Variants in ZGRF1 observed in about 807,000 individuals in gnomAD.
ZGRF1 encodes zinc finger GRF-type containing 1.
ZGRF1 carries 196 observed loss-of-function variants against 203.5 expected under a neutral mutation model. That is an observed-to-expected ratio of 0.96 (90% confidence interval 0.86 to 1.08). The LOEUF is 1.08. Ranked by LOEUF, ZGRF1 falls within the 50% of genes least tolerant of loss-of-function variation. The pLI is 0.00. For synonymous variants in ZGRF1, 809 were observed against 841.3 expected, an observed-to-expected ratio of 0.96 and a Z score of 0.66; for missense variants, 2,326 against 2,416.3, an observed-to-expected ratio of 0.96 and a Z score of 0.78.
chr4:112,628,638 T>C (rs1275586019), intron 3 of ZGRF1: 1 of 456,280 alleles, frequency 2.2e-6, no homozygotes, highest in Non-Finnish European at 4.4e-6. Context: ...ATAGAAACTT[T>C]CAGGGACTAA....
intron 10 of ZGRF1, among the ~76,000 whole-genome samples, chr4:112,603,286 G>T (rs1466900266): frequency 2.6e-5 from 4 of 152,124 alleles, no homozygotes; most frequent in African/African-American, 4.8e-5. Context: ...CTTTTGTCAT[G>T]AATTTATAGT....
chr4:112,559,598 TACA>T (rs1578716811), intron 19 of ZGRF1, among the ~76,000 whole-genome samples: 2 of 152,210 alleles, frequency 1.3e-5, no homozygotes, highest in Non-Finnish European at 2.9e-5. Context: ...GTGAGATAAT[TACA>T]ACAATAAATG....
chr4:112,624,618 T>C (rs1428868773), intron 3 of ZGRF1, among the ~76,000 whole-genome samples: 5 of 152,074 alleles, frequency 3.3e-5, no homozygotes, highest in African/African-American at 1.2e-4. Context: ...ATAAGATAAT[T>C]ATTTATGAGG....
At position 112,617,478 on chromosome 4, in the gene ZGRF1, C is replaced by T. The variant is rs896620823; in HGVS notation, c.2564G>A (p.Gly855Glu). The T allele has an allele frequency of 1.3e-6, 2 of 1,585,588 alleles. No individual in the cohort carries two copies. Among genetic ancestry groups the T allele is most frequent in the Non-Finnish European group, 1.7e-6 (2 of 1,169,530 alleles). Residue 855 changes from glycine to glutamate, a missense_variant, in exon 6 of 28, where the codon GGA becomes GAA. Physicochemically the swap from Gly to Glu is moderately conservative, Grantham distance 98. Coordinates refer to ENST00000505019, the MANE Select transcript of ZGRF1 (RefSeq NM_018392.5). ...LKKKNTVFQQ[G>E]TQQTYEPDSP... The stretch of plus-strand genomic sequence containing the variant: ...ATCTGGCTCATACGTCTGTTGAGTT[C>T]CTTGCTGAAAGACAGTATTTTTCTT...
chr4:112,633,070 C>T (rs2149217947), intron 2 of ZGRF1, 86 bp downstream of exon 2: 2 of 1,228,674 alleles, frequency 1.6e-6, no homozygotes, highest in East Asian at 4.7e-5. Flanking sequence ...AATCTGGCAA[C>T]ACAGCAAGAT....
At chr4:112,546,323 CCAGA>C (rs1738757905) in intron 24 of ZGRF1, among the ~76,000 whole-genome samples, 1 of 151,952 alleles carries the variant, frequency 6.6e-6, no homozygotes, top group African/African-American at 2.4e-5. Flanking sequence ...CATTTTGAAA[CCAGA>C]CAGAGGTAGT....
chr4:112,610,583 G>T (rs1346842543), intron 7 of ZGRF1: 4 of 147,310 alleles, frequency 2.7e-5, no homozygotes, highest in African/African-American at 2.5e-5. Context: ...AAAAAAGAAA[G>T]AAAAGAAAAA....
intron 1 of ZGRF1, among the ~76,000 whole-genome samples, chr4:112,636,114 A>G (rs1160289078): frequency 6.6e-6 from 1 of 150,748 alleles, no homozygotes; most frequent in Admixed American, 6.6e-5. Context: ...TGAGATGCAA[A>G]GAGTTTTTTC....
chr4:112,612,781 T>A (rs1377680471), intron 6 of ZGRF1, among the ~76,000 whole-genome samples, 193 bp from the exon 7 acceptor site: 1 of 152,206 alleles, frequency 6.6e-6, no homozygotes, highest in Non-Finnish European at 1.5e-5. Flanking sequence ...AACATTTTTA[T>A]GATAAAAATT....
In ZGRF1 at chr4:112,589,582, A is replaced by T. The variant is rs1183095560; in HGVS notation, c.3127+142T>A. The T allele has an allele frequency of 1.7e-5, 12 of 707,578 alleles. No individual in the cohort carries two copies. In the Admixed American group the frequency reaches 3.1e-4, roughly 18 times the overall value. The allele number at this position is 707,578 out of a possible 1,614,324, so 43.8% of individuals were successfully genotyped here. On this transcript the variant is annotated intron_variant, in intron 11 of 27. Transcript: ENST00000505019. ...TAGCTATCTATGATAGAAAAAGTTC[A>T]AAGGAAGAAAGGTTATGGAAAGGCT...
rs1437520048 is a variant in ZGRF1 at position 112,560,871 on chromosome 4, C to T, written c.4822G>A (p.Glu1608Lys). Residue 1608 changes from glutamate to lysine, a missense_variant, in exon 19 of 28, where the codon GAG becomes AAG. Glu to Lys is a moderately conservative substitution (Grantham distance 56). Transcript: ENST00000505019. ...SLGATLKLAS[E>K]LIQVHKLNKD... The stretch of plus-strand genomic sequence containing the variant: ...TTTAACTTGTGTACCTGAATCAACT[C>T]ACTAGCTAACTTCAATGTTGCTCCT... 6.2e-7 allele frequency: 1 copy of T among 1,613,790 alleles called. No homozygotes were observed. Among genetic ancestry groups the T allele is most frequent in the South Asian group, 1.1e-5 (1 of 91,072 alleles).
chr4:112,587,196 G>A (rs1747328588), intron 12 of ZGRF1, 84 bp downstream of exon 12: 1 of 1,300,908 alleles, frequency 7.7e-7, no homozygotes, highest in Non-Finnish European at 1.1e-6. Context: ...TTGCTCCTAT[G>A]CAGTATATTT....
intron 9 of ZGRF1, among the ~76,000 whole-genome samples, chr4:112,604,432 A>T (rs916760509): frequency 2.0e-5 from 3 of 152,160 alleles, no homozygotes; most frequent in African/African-American, 7.2e-5. Context: ...ACTTCAATGA[A>T]GTTTTTCCTT....
At position 112,541,201 on chromosome 4, in the gene ZGRF1, T is replaced by C; in HGVS notation, c.5666A>G (p.Asp1889Gly). The C allele has an allele frequency of 6.2e-7, 1 of 1,612,380 alleles. No individual in the cohort carries two copies. Among genetic ancestry groups the C allele is most frequent in the Non-Finnish European group, 8.5e-7 (1 of 1,178,790 alleles). The change falls in exon 25 of 28, where the codon GAT becomes GGT. Residue 1889 changes from aspartate (D) to glycine (G), a missense_variant. By Grantham distance (94) the Asp-to-Gly change is moderately conservative. Coordinates refer to ENST00000505019, the MANE Select transcript of ZGRF1 (RefSeq NM_018392.5). ...CATGAGGGCTCCTTTGTAAAACAGATCATTAGCAATAGCACTGATTGCAGG... is the reference window on the plus strand; with the variant it reads ...CATGAGGGCTCCTTTGTAAAACAGACCATTAGCAATAGCACTGATTGCAGG... ...CHPAISAIAN[D>G]LFYKGALMNG... is the part of the protein sequence containing the mutation.
At chr4:112,584,765 C>T (rs1245978967) in intron 14 of ZGRF1, among the ~76,000 whole-genome samples, 2 of 152,222 alleles carry the variant, frequency 1.3e-5, no homozygotes, top group African/African-American at 2.4e-5. Flanking sequence ...AATTTACACA[C>T]TTAGCTAACA....
chr4:112,549,401 T>C lies in ZGRF1; in HGVS notation c.5347-1021A>G, dbSNP rs540630165. 3.9e-5 allele frequency among the ~76,000 whole-genome samples: 6 copies of C among 152,368 alleles called. No individual in the cohort carries two copies. In the South Asian group the frequency reaches 1.0e-3, roughly 26 times the overall value. The stretch of plus-strand genomic sequence containing the variant: ...ATACACACGTACACACACATTTGTG[T>C]ACATATACATACGTGTGTATAAACA... On this transcript the variant is annotated intron_variant, in intron 22 of 27. Coordinates refer to ENST00000505019, the MANE Select transcript of ZGRF1 (RefSeq NM_018392.5).
chr4:112,631,523 T>G (rs2047408372), intron 3 of ZGRF1, among the ~76,000 whole-genome samples: 2 of 151,752 alleles, frequency 1.3e-5, no homozygotes, highest in South Asian at 4.2e-4. Context: ...TACAAAAAAA[T>G]TAGTCAGGCA....
In ZGRF1 at chr4:112,587,707, T is replaced by G. The variant is rs777666792; in HGVS notation, c.3350A>C (p.Asp1117Ala). ...TTCAGAGAAAAAGGTTTCATTTTGG[T>G]CCTCAGGCTCAATGCTAAACGAAAG... The part of the protein sequence containing the change: ...AVLSFSIEPE[D>A]QNETFFSEES... Residue 1117 changes from aspartate to alanine, a missense_variant, in exon 12 of 28, where the codon GAC (aspartate) becomes GCC (alanine). By Grantham distance (126) the Asp-to-Ala change is moderately radical. Coordinates refer to ENST00000505019, the MANE Select transcript of ZGRF1 (RefSeq NM_018392.5). 1 of 1,597,896 alleles carries G rather than the reference T, an allele frequency of 6.3e-7. No homozygotes were observed.
chr4:112,608,036 T>G (rs1038227244), intron 8 of ZGRF1: 1 of 152,214 alleles, frequency 6.6e-6, no homozygotes. Flanking sequence ...CAATAGATTA[T>G]TAAGACCTTT....
Sources: gnomAD v4.1 joint callset for allele counts (sites outside exome capture counted in the v4.1 genomes callset) on GRCh38, gnomAD v4.1.1 for gene constraint, MANE v1.5 for transcripts, NCBI Gene and HGNC (gene_info 2026-07-23, HGNC 2026-07-21) for gene names.